Variants in NWD1 observed in about 807,000 individuals in gnomAD.
NWD1 encodes the protein NACHT domain- and WD repeat-containing protein 1.
In NWD1, 129 loss-of-function variants were observed where a neutral mutation model predicts 135.1. That is an observed-to-expected ratio of 0.96 (90% CI 0.83 to 1.11). NWD1 has a LOEUF of 1.11. Ranked by LOEUF, NWD1 falls within the 50% of genes least tolerant of loss-of-function variation. NWD1 has a pLI of 0.00. For missense variants in NWD1, 1,740 were observed against 1,851.3 expected (o/e 0.94, Z 1.10); for synonymous variants, 773 against 786.0 (o/e 0.98, Z 0.28).
chr19:16,775,904 G>A (rs1359472463), intron 11 of NWD1, among the ~76,000 whole-genome samples: 16 of 152,112 alleles, frequency 1.1e-4, no homozygotes, highest in Non-Finnish European at 5.9e-5. Context: ...CTGACCTCAG[G>A]TGATCGCCTA....
At chr19:16,774,310 A>T (rs754287266) in intron 11 of NWD1, among the ~76,000 whole-genome samples, 1 of 146,598 alleles carries the variant, frequency 6.8e-6, no homozygotes, top group Non-Finnish European at 1.5e-5. Context: ...CAATTCATCT[A>T]TCAAACCACT....
chr19:16,747,571 C>T (rs1353160372), intron 5 of NWD1, among the ~76,000 whole-genome samples: 1 of 151,696 alleles, frequency 6.6e-6, no homozygotes, highest in Non-Finnish European at 1.5e-5. Context: ...CGGGGTTTTG[C>T]CGTTTTGCAC....
chr19:16,811,914 G>A (rs940488888), intron 18 of NWD1, among the ~76,000 whole-genome samples: 3 of 152,124 alleles, frequency 2.0e-5, no homozygotes, highest in African/African-American at 7.2e-5. Flanking sequence ...TACCTGGAAG[G>A]CTGAGGCAGA....
rs113063696 is a variant in NWD1 at position 16,802,526 on chromosome 19, A to G, written c.3736+2364A>G. Among the ~76,000 whole-genome samples, 224 of 150,670 alleles carry G rather than the reference A, an allele frequency of 1.5e-3. 2 individuals are homozygous for G. Among genetic ancestry groups the G allele is most frequent in the African/African-American group, 5.1e-3 (208 of 41,106 alleles). On this transcript the variant is annotated intron_variant, in intron 17 of 18. Transcript: ENST00000524140. The stretch of plus-strand genomic sequence containing the variant: ...CCTCTCTCTTGCTTCCTCTGGCCGT[A>G]TGACCTCTGCACACCCCAACCCCCT...
chr19:16,759,127 C>A (rs892976096), intron 6 of NWD1, 98 bp from the exon 7 acceptor site: 6 of 957,436 alleles, frequency 6.3e-6, no homozygotes, highest in Non-Finnish European at 3.3e-6. Context: ...TGCTGGACAC[C>A]GCGCGGGTGG....
At chr19:16,767,336 C>T (rs1219553955) in intron 10 of NWD1, among the ~76,000 whole-genome samples, 1 of 151,888 alleles carries the variant, frequency 6.6e-6, no homozygotes, top group Non-Finnish European at 1.5e-5. Context: ...ATCGGACGGC[C>T]AGGTGTGGTG....
At chr19:16,751,905 G>A (rs1968597599) in intron 6 of NWD1, among the ~76,000 whole-genome samples, 1 of 147,564 alleles carries the variant, frequency 6.8e-6, no homozygotes, top group African/African-American at 2.5e-5. Flanking sequence ...GAGAAAGAGA[G>A]AAAAAGGGAA....
In NWD1 at chr19:16,764,529, TTCTA is replaced by T. The variant is rs369427420; in HGVS notation, c.2252-494_2252-491del. Among the ~76,000 whole-genome samples the T allele has an allele frequency of 4.9e-4, 74 of 151,910 alleles. No individual in the cohort carries two copies. In the East Asian group the frequency reaches 0.011, roughly 23 times the overall value. On this transcript the variant is annotated intron_variant, in intron 9 of 18. Transcript: ENST00000524140. ...TGTCTGTCCATCCATCCATCCATCA[TTCTA>T]TCTATCTATCCATGCACCCATTATA...
intron 18 of NWD1, chr19:16,812,733 T>C (rs1970961048): frequency 1.3e-6 from 1 of 780,958 alleles, no homozygotes; most frequent in East Asian, 2.4e-5. Flanking sequence ...TCATATTGTC[T>C]GTTTTCAACA....
intron 4 of NWD1, among the ~76,000 whole-genome samples, chr19:16,742,909 T>C (rs1349295138): frequency 7.0e-6 from 1 of 143,558 alleles, no homozygotes; most frequent in East Asian, 2.0e-4. Flanking sequence ...TTATTATTAT[T>C]ATTATTATTA....
At chr19:16,785,670 A>G (rs779372713) in intron 12 of NWD1, among the ~76,000 whole-genome samples, 2 of 149,826 alleles carry the variant, frequency 1.3e-5, no homozygotes, top group Non-Finnish European at 3.0e-5. Flanking sequence ...ATTTTTGTGT[A>G]TGTATATATT....
At chr19:16,748,993 C>T (rs983565626) in intron 5 of NWD1, 146 bp from the exon 6 acceptor site, 11 of 656,226 alleles carry the variant, frequency 1.7e-5, no homozygotes, top group South Asian at 8.4e-5. Flanking sequence ...TGGGTCTTTT[C>T]GAGACCCCCA....
At chr19:16,792,358 A>G (rs1280842863) in intron 14 of NWD1, among the ~76,000 whole-genome samples, 1 of 151,902 alleles carries the variant, frequency 6.6e-6, no homozygotes, top group Non-Finnish European at 1.5e-5. Context: ...CCTGGCCAAC[A>G]TGGCAAAACC....
intron 3 of NWD1, among the ~76,000 whole-genome samples, chr19:16,733,366 C>T (rs1262318250): frequency 6.6e-6 from 1 of 151,454 alleles, no homozygotes; most frequent in Non-Finnish European, 1.5e-5. Flanking sequence ...ACTAAAAATA[C>T]AAAAATTACC....
chr19:16,742,877 T>C (rs1968141768), intron 4 of NWD1, among the ~76,000 whole-genome samples: 1 of 128,792 alleles, frequency 7.8e-6, no homozygotes, highest in African/African-American at 3.0e-5. Context: ...TCTCACTATG[T>C]TGCCTATTAT....
chr19:16,734,852 C>T (rs184222212), intron 3 of NWD1, among the ~76,000 whole-genome samples: 1 of 152,192 alleles, frequency 6.6e-6, no homozygotes, highest in East Asian at 1.9e-4. Context: ...TCCCATAGTG[C>T]TGGGATTATA....
chr19:16,810,514 T>A (rs1157943533), intron 18 of NWD1, among the ~76,000 whole-genome samples: 1 of 148,862 alleles, frequency 6.7e-6, no homozygotes, highest in Non-Finnish European at 1.5e-5. Context: ...ATGCCTGTAA[T>A]CCCAGCACTT....
At chr19:16,805,759 A>G (rs904874785) in intron 17 of NWD1, among the ~76,000 whole-genome samples, 1 of 152,186 alleles carries the variant, frequency 6.6e-6, no homozygotes, top group Non-Finnish European at 1.5e-5. Flanking sequence ...TACTCTAAAA[A>G]TGTTTGCCAA....
chr19:16,761,174 A>C (rs11672245), intron 7 of NWD1, among the ~76,000 whole-genome samples: 8,013 of 152,176 alleles, frequency 0.053, 279 homozygotes, highest in African/African-American at 0.1. Context: ...GCTCATCCAC[A>C]TTGTAGCAGG....
Sources: gnomAD v4.1 joint callset for allele counts (sites outside exome capture counted in the v4.1 genomes callset) on GRCh38, gnomAD v4.1.1 for gene constraint, MANE v1.5 for transcripts, NCBI Gene and HGNC (gene_info 2026-07-23, HGNC 2026-07-21) for gene names.